The following TRIM44 variants were observed in gnomAD, a reference collection of about 807,000 sequenced individuals.
TRIM44 encodes tripartite motif containing 44.
A neutral mutation model predicts 37.4 loss-of-function variants in TRIM44; 13 were observed. The ratio of observed to expected loss-of-function variants is 0.35; its 90% CI spans 0.23 to 0.55. TRIM44 has a LOEUF of 0.55. Among genes scored for constraint, TRIM44 ranks in the 20% least tolerant of loss-of-function variants. The pLI, the probability that TRIM44 is intolerant of heterozygous loss-of-function variation, is 0.89. For synonymous variants in TRIM44, 175 were observed against 157.2 expected, an observed-to-expected ratio of 1.11 and a Z score of -0.85; for missense variants, 426 against 437.2, an observed-to-expected ratio of 0.97 and a Z score of 0.23.
At chr11:35,678,079 G>A (rs1159892845) in intron 1 of TRIM44, among the ~76,000 whole-genome samples, 1 of 152,212 alleles carries the variant, frequency 6.6e-6, no homozygotes, top group African/African-American at 2.4e-5. Context: ...ATAATCAGTA[G>A]TGGTGGGGTA....
chr11:35,669,876 G>A (rs1392898232), intron 1 of TRIM44, among the ~76,000 whole-genome samples: 1 of 152,018 alleles, frequency 6.6e-6, no homozygotes, highest in Non-Finnish European at 1.5e-5. Flanking sequence ...AGGATGGAGT[G>A]CAGTAGCGTG....
intron 2 of TRIM44, among the ~76,000 whole-genome samples, chr11:35,697,310 A>G (rs1230461060): frequency 6.8e-6 from 1 of 146,978 alleles, no homozygotes; most frequent in African/African-American, 2.5e-5. Flanking sequence ...GAGAACATGC[A>G]GTGTTTGGTT....
chr11:35,708,725 C>T (rs552738818), intron 2 of TRIM44, among the ~76,000 whole-genome samples: 24 of 151,208 alleles, frequency 1.6e-4, no homozygotes, highest in Non-Finnish European at 2.8e-4. Context: ...AACACATGGA[C>T]GCAGGAAGGG....
chr11:35,779,619 T>G lies in TRIM44; in HGVS notation c.1008-26739T>G, dbSNP rs1853032484. On this transcript the variant is annotated intron_variant, in intron 4 of 4. Transcript: ENST00000299413. Reference sequence around the variant, plus strand: ...GCTCTTTAGTTTAATTATTAATAGATCCCACTTCTCATTCTTGTTGCAATT... The same window carrying G: ...GCTCTTTAGTTTAATTATTAATAGAGCCCACTTCTCATTCTTGTTGCAATT... 1.3e-5 allele frequency among the ~76,000 whole-genome samples: 2 copies of G among 152,126 alleles called. 1 individual carries two copies. Among genetic ancestry groups the G allele is most frequent in the South Asian group, 4.2e-4 (2 of 4,816 alleles).
At chr11:35,676,009 A>C (rs1423314157) in intron 1 of TRIM44, among the ~76,000 whole-genome samples, 1 of 152,100 alleles carries the variant, frequency 6.6e-6, no homozygotes, top group Non-Finnish European at 1.5e-5. Context: ...ATGGGAGAAG[A>C]ATATTGAAGG....
At chr11:35,729,921 G>A (rs1852232485) in intron 3 of TRIM44, among the ~76,000 whole-genome samples, 1 of 152,202 alleles carries the variant, frequency 6.6e-6, no homozygotes, top group African/African-American at 2.4e-5. Context: ...AGGCTGCAGT[G>A]ATCTGTGTTC....
intron 4 of TRIM44, among the ~76,000 whole-genome samples, chr11:35,771,022 G>A (rs191819104): frequency 1.4e-3 from 213 of 152,256 alleles, no homozygotes; most frequent in Non-Finnish European, 2.5e-3. Context: ...GAGTAAATTG[G>A]TACCAATAGA....
chr11:35,773,359 A>C (rs1469347452), intron 4 of TRIM44, among the ~76,000 whole-genome samples: 1 of 151,734 alleles, frequency 6.6e-6, no homozygotes, highest in African/African-American at 2.4e-5. Context: ...GAATTGTTCA[A>C]GTTTGTTATC....
chr11:35,786,348 G>A (rs1853130665), intron 4 of TRIM44, among the ~76,000 whole-genome samples: 1 of 152,270 alleles, frequency 6.6e-6, no homozygotes, highest in East Asian at 1.9e-4. Context: ...CTTTTAGATG[G>A]TTATTGACAA....
At chr11:35,695,217 A>G (rs1851681589) in intron 2 of TRIM44, among the ~76,000 whole-genome samples, 1 of 152,094 alleles carries the variant, frequency 6.6e-6, no homozygotes, top group African/African-American at 2.4e-5. Context: ...AGGACTCAGG[A>G]AGGACAAGGT....
intron 4 of TRIM44, among the ~76,000 whole-genome samples, chr11:35,789,380 T>C (rs1439158062): frequency 2.0e-5 from 3 of 152,220 alleles, no homozygotes; most frequent in Non-Finnish European, 4.4e-5. Context: ...CATGAAAGTT[T>C]AGTATGTGTA....
chr11:35,787,125 G>A (rs1853140761), intron 4 of TRIM44, among the ~76,000 whole-genome samples: 1 of 152,146 alleles, frequency 6.6e-6, no homozygotes, highest in Non-Finnish European at 1.5e-5. Context: ...AAGCGGTGTG[G>A]GCGGGCATGG....
chr11:35,772,219 C>T (rs1026778253), intron 4 of TRIM44, among the ~76,000 whole-genome samples: 3 of 152,192 alleles, frequency 2.0e-5, no homozygotes, highest in African/African-American at 7.2e-5. Context: ...TATTGAAATG[C>T]CTGGATGCCC....
chr11:35,692,207 C>A (rs886485555), intron 2 of TRIM44, among the ~76,000 whole-genome samples: 6 of 151,960 alleles, frequency 3.9e-5, no homozygotes, highest in Non-Finnish European at 8.8e-5. Context: ...TAAAGAAATG[C>A]AGATTCTTGA....
chr11:35,758,631 CTGG>C (rs1258799791), intron 4 of TRIM44, among the ~76,000 whole-genome samples: 2 of 152,204 alleles, frequency 1.3e-5, no homozygotes, highest in Admixed American at 1.3e-4. Flanking sequence ...TTTGCAGTGG[CTGG>C]TACTGGTTTT....
rs879718579 is a variant in TRIM44, at chr11:35,698,116, T to C, written c.747+12780T>C. 3.9e-4 allele frequency among the ~76,000 whole-genome samples: 60 copies of C among 151,910 alleles called. 1 individual carries two copies. Among genetic ancestry groups the C allele is most frequent in the Non-Finnish European group, 7.2e-4 (49 of 68,012 alleles). On this transcript the variant is annotated intron_variant, in intron 2 of 4. Transcript: ENST00000299413. ...TTCTCCACATCCTCTCCAGCACCTG[T>C]TGTTTCCTGACTTTTTAATGATCGC...
At chr11:35,754,700 T>G (rs917061574) in intron 4 of TRIM44, among the ~76,000 whole-genome samples, 1 of 133,082 alleles carries the variant, frequency 7.5e-6, no homozygotes, top group Non-Finnish European at 1.6e-5. Flanking sequence ...GTCCCCTTCC[T>G]GTGTCCATGA....
chr11:35,725,100 A>ACACACACACC (rs1852157316), intron 2 of TRIM44, among the ~76,000 whole-genome samples: 1 of 140,400 alleles, frequency 7.1e-6, no homozygotes, highest in African/African-American at 2.6e-5. Flanking sequence ...ACACACACAC[A>ACACACACACC]CACACCCTCC....
intron 4 of TRIM44, among the ~76,000 whole-genome samples, chr11:35,766,336 G>A (rs953878063): frequency 6.6e-6 from 1 of 152,118 alleles, no homozygotes; most frequent in Non-Finnish European, 1.5e-5. Flanking sequence ...CGTGTGTTGG[G>A]GTTGGGAATT....
Sources: allele counts gnomAD v4.1 joint callset (sites outside exome capture counted in the v4.1 genomes callset), GRCh38; gene constraint gnomAD v4.1.1; transcripts MANE v1.5; gene names NCBI Gene and HGNC (gene_info 2026-07-23, HGNC 2026-07-21).